NAF1: variants seen among roughly 807,000 people sequenced by gnomAD.
NAF1 encodes nuclear assembly factor 1 ribonucleoprotein.
A neutral mutation model predicts 40.6 loss-of-function variants in NAF1; 11 were observed. The ratio of observed to expected loss-of-function variants is 0.27; its 90% confidence interval spans 0.17 to 0.45. The LOEUF (loss-of-function observed/expected upper bound fraction) is 0.45, where lower values mean the gene tolerates loss of function less well. Among genes scored for constraint, NAF1 ranks in the 20% least tolerant of loss-of-function variants. NAF1 has a pLI of 1.00. For synonymous variants in NAF1, 260 were observed against 228.5 expected (o/e 1.14, Z -1.24); for missense variants, 607 against 611.1 (o/e 0.99, Z 0.07).
intron 2 of NAF1, among the ~76,000 whole-genome samples, chr4:163,153,637 T>C (rs1429144795): frequency 6.6e-6 from 1 of 152,158 alleles, no homozygotes; most frequent in Non-Finnish European, 1.5e-5. Context: ...CAAAACTCTG[T>C]ATCTAACTAA....
intron 6 of NAF1, among the ~76,000 whole-genome samples, chr4:163,134,801 G>A (rs1173756632): frequency 6.6e-6 from 1 of 152,170 alleles, no homozygotes; most frequent in Non-Finnish European, 1.5e-5. Context: ...GAAAGCTGCT[G>A]CTTCTTACAT....
intron 7 of NAF1, among the ~76,000 whole-genome samples, chr4:163,131,390 C>CA (rs1437896929): frequency 3.3e-5 from 5 of 151,856 alleles, no homozygotes; most frequent in African/African-American, 9.7e-5. Flanking sequence ...AAGAATATCT[C>CA]AAAAAACAGA....
At chr4:163,164,816 T>C (rs1421091239) in intron 1 of NAF1, among the ~76,000 whole-genome samples, 1 of 152,196 alleles carries the variant, frequency 6.6e-6, no homozygotes, top group Admixed American at 6.5e-5. Flanking sequence ...ATGAGTTTCT[T>C]CTCAGGCTAC....
At chr4:163,125,205 C>T (rs540467811), downstream of NAF1, among the ~76,000 whole-genome samples, 1 of 152,292 alleles carries the variant, frequency 6.6e-6, no homozygotes, top group Admixed American at 6.5e-5. Context: ...CGTATAATGA[C>T]CTCTAAGTAT....
At chr4:163,151,818 T>C (rs534838269) in intron 2 of NAF1, among the ~76,000 whole-genome samples, 3 of 152,302 alleles carry the variant, frequency 2.0e-5, no homozygotes, top group South Asian at 4.1e-4. Flanking sequence ...GTTGTCTTCA[T>C]AAAGGGTCCT....
At chr4:163,160,226 CTAGT>C (rs1259616529) in intron 2 of NAF1, among the ~76,000 whole-genome samples, 1 of 152,092 alleles carries the variant, frequency 6.6e-6, no homozygotes, top group African/African-American at 2.4e-5. Context: ...ATAATTTTAT[CTAGT>C]TAAACTTATT....
chr4:163,147,944 C>T (rs955792554), intron 3 of NAF1, among the ~76,000 whole-genome samples: 3 of 152,076 alleles, frequency 2.0e-5, no homozygotes, highest in Admixed American at 1.3e-4. Context: ...GTAAGATTCT[C>T]CCCTAGTACC....
downstream of NAF1, chr4:163,126,989 C>G: frequency 6.4e-7 from 1 of 1,550,616 alleles, no homozygotes; most frequent in South Asian, 1.2e-5. Context: ...CTATTGCATA[C>G]TTAATAAACT....
intron 2 of NAF1, among the ~76,000 whole-genome samples, chr4:163,153,190 G>C (rs191245813): frequency 6.6e-6 from 1 of 152,308 alleles, no homozygotes; most frequent in East Asian, 1.9e-4. Context: ...CCTGCTCCAC[G>C]GCGCCGAGTC....
chr4:163,118,367 A>T (rs908855402), intron 2 of NAF1, among the ~76,000 whole-genome samples: 5 of 152,254 alleles, frequency 3.3e-5, no homozygotes, highest in African/African-American at 9.6e-5. Context: ...AATCAATTAC[A>T]ATAAAATGTC....
At chr4:163,115,184 C>T (rs16999449) in intron 2 of NAF1, among the ~76,000 whole-genome samples, 37,920 of 145,556 alleles carry the variant, frequency 0.26, 5,498 homozygotes, top group African/African-American at 0.37. Flanking sequence ...ATACTATTGG[C>T]GATATAGGAC....
intron 2 of NAF1, among the ~76,000 whole-genome samples, chr4:163,153,556 A>G (rs1220509527): frequency 6.6e-6 from 1 of 152,034 alleles, no homozygotes; most frequent in African/African-American, 2.4e-5. Flanking sequence ...TGTTTAGCTC[A>G]AGGTTTGTGA....
downstream of NAF1, among the ~76,000 whole-genome samples, chr4:163,109,089 TGAG>T (rs1312434765): frequency 1.3e-5 from 2 of 152,076 alleles, no homozygotes; most frequent in Non-Finnish European, 2.9e-5. Context: ...GGCATTTCAG[TGAG>T]GAGCAGAAAC....
intron 7 of NAF1, among the ~76,000 whole-genome samples, chr4:163,130,047 T>C (rs1317006947): frequency 1.3e-5 from 2 of 152,180 alleles, no homozygotes; most frequent in Non-Finnish European, 2.9e-5. Flanking sequence ...CTAAGAGGAA[T>C]ACCTAGACTT....
At chr4:163,133,695 T>A (rs1170232889) in intron 6 of NAF1, 2 of 153,958 alleles carry the variant, frequency 1.3e-5, no homozygotes, top group African/African-American at 4.8e-5. Context: ...TTTACAGGTT[T>A]ACCATCTTAT....
rs58134201 is a variant in NAF1, at chr4:163,165,661, TACCCCACTC to T, written c.365+693_365+701del. 4.8e-3 allele frequency among the ~76,000 whole-genome samples: 726 copies of T among 152,294 alleles called. 2 individuals are homozygous for T. The highest frequency in any genetic ancestry group is 0.017 in the African/African-American group (693 of 41,560). ...GTGTCTATCTTGTTAACCTGTTCAG[TACCCCACTC>T]AACACACTCAACTATTTGTAGACAA... On this transcript the variant is annotated intron_variant, in intron 1 of 7. Transcript: ENST00000274054.
chr4:163,158,550 T>C (rs1339911672), intron 2 of NAF1, among the ~76,000 whole-genome samples: 1 of 152,076 alleles, frequency 6.6e-6, no homozygotes, highest in Non-Finnish European at 1.5e-5. Context: ...AATTAAAAAA[T>C]GAGGGTCAAC....
At chr4:163,146,087 G>GA (rs1278200478) in intron 3 of NAF1, among the ~76,000 whole-genome samples, 36 of 151,880 alleles carry the variant, frequency 2.4e-4, no homozygotes, top group African/African-American at 8.0e-4. Flanking sequence ...AATTCTAAGG[G>GA]AAAAAAATTA....
chr4:163,124,086 T>C (rs530377932), downstream of NAF1, among the ~76,000 whole-genome samples: 209 of 152,366 alleles, frequency 1.4e-3, 1 homozygote, highest in African/African-American at 4.9e-3. Flanking sequence ...CTGGGCATGG[T>C]GGCTTGCGCC....
Sources: allele counts gnomAD v4.1 joint callset (sites outside exome capture counted in the v4.1 genomes callset), GRCh38; gene constraint gnomAD v4.1.1; transcripts MANE v1.5; gene names NCBI Gene and HGNC (gene_info 2026-07-23, HGNC 2026-07-21).